Variants in PRKAR1B observed in about 807,000 individuals in gnomAD.
PRKAR1B encodes the protein protein kinase cAMP-dependent type I regulatory subunit beta, also known as cAMP-dependent protein kinase type I-beta regulatory subunit.
In PRKAR1B, 22 loss-of-function variants were observed where a neutral mutation model predicts 46.5. That is an observed-to-expected ratio of 0.47 (90% CI 0.34 to 0.68). The LOEUF (loss-of-function observed/expected upper bound fraction) is 0.68, where lower values mean the gene tolerates loss of function less well. Among genes scored for constraint, PRKAR1B ranks in the 30% least tolerant of loss-of-function variants. The pLI, the probability that PRKAR1B is intolerant of heterozygous loss-of-function variation, is 0.01. For synonymous variants in PRKAR1B, 259 were observed against 217.7 expected (o/e 1.19, Z -1.67); for missense variants, 445 against 535.6 (o/e 0.83, Z 1.67).
chr7:584,995 G>A (rs923736945), intron 7 of PRKAR1B, among the ~76,000 whole-genome samples: 6 of 152,062 alleles, frequency 3.9e-5, no homozygotes, highest in East Asian at 1.9e-4. Context: ...TGCGGCTGAC[G>A]TCAGCTAAGA....
intron 1 of PRKAR1B, 77 bp downstream of exon 1, chr7:727,131 CTG>C: frequency 1.7e-6 from 2 of 1,204,378 alleles, no homozygotes; most frequent in South Asian, 2.8e-5. Flanking sequence ...CGCCCGAGGC[CTG>C]TGAGGAGCTG....
chr7:709,299 G>A (rs1005757081), intron 2 of PRKAR1B, among the ~76,000 whole-genome samples: 4 of 150,918 alleles, frequency 2.7e-5, no homozygotes, highest in Admixed American at 1.3e-4. Flanking sequence ...ACTTATGTAC[G>A]TATGTATCCA....
intron 9 of PRKAR1B, among the ~76,000 whole-genome samples, chr7:556,923 TC>T (rs2128422276): frequency 6.6e-6 from 1 of 152,062 alleles, no homozygotes; most frequent in Non-Finnish European, 1.5e-5. Context: ...TACTGAAGAG[TC>T]CCCGTGCAAA....
chr7:569,100 G>A (rs1779346770), intron 9 of PRKAR1B, among the ~76,000 whole-genome samples: 1 of 151,878 alleles, frequency 6.6e-6, no homozygotes, highest in East Asian at 1.9e-4. Context: ...AAATATCAAG[G>A]CAAAGGCACT....
intron 4 of PRKAR1B, among the ~76,000 whole-genome samples, chr7:637,871 G>T (rs959600030): frequency 6.6e-6 from 1 of 152,108 alleles, no homozygotes; most frequent in African/African-American, 2.4e-5. Flanking sequence ...GGGAAGATGG[G>T]GGCTAAAACA....
chr7:672,075 T>C (rs553916071), intron 4 of PRKAR1B, among the ~76,000 whole-genome samples: 30 of 152,260 alleles, frequency 2.0e-4, no homozygotes, highest in Admixed American at 4.6e-4. Context: ...CCCCACTGTG[T>C]TCCCAGAACC....
At position 714,253 on chromosome 7, in the gene PRKAR1B, G is replaced by A. The variant is rs989223793; in HGVS notation, c.-22-2726C>T. 2.0e-5 allele frequency among the ~76,000 whole-genome samples: 3 copies of A among 152,172 alleles called. No homozygotes were observed. The highest frequency in any genetic ancestry group is 4.8e-5 in the African/African-American group (2 of 41,446). ...TCCTGGGGTTCTCTGGAGACTCCCTGTAAAGACTTCCCCCACACCGTGCCT... is the reference window on the plus strand; with the variant it reads ...TCCTGGGGTTCTCTGGAGACTCCCTATAAAGACTTCCCCCACACCGTGCCT... On this transcript the variant is annotated intron_variant, in intron 1 of 10. Transcript: ENST00000537384. The surrounding 1 kb of genome is among the most constrained non-coding windows in gnomAD (Gnocchi z 4.3).
intron 2 of PRKAR1B, among the ~76,000 whole-genome samples, chr7:702,548 G>A (rs542305677): frequency 6.6e-6 from 1 of 152,292 alleles, no homozygotes; most frequent in African/African-American, 2.4e-5. Context: ...TCATAGGCTG[G>A]GCGTGGGGCT....
At chr7:576,458 G>A (rs1237833268) in intron 9 of PRKAR1B, among the ~76,000 whole-genome samples, 3 of 152,168 alleles carry the variant, frequency 2.0e-5, no homozygotes, top group East Asian at 1.9e-4. Flanking sequence ...GACCCCCTTC[G>A]TGAATGTCCG....
chr7:688,163 G>A (rs919625770), intron 2 of PRKAR1B, among the ~76,000 whole-genome samples: 1 of 150,798 alleles, frequency 6.6e-6, no homozygotes, highest in Non-Finnish European at 1.5e-5. Context: ...CACTTTGGGA[G>A]GCCAAGGCGG....
Position 584,521 on chromosome 7 carries a change from C to T in PRKAR1B, c.756G>A (p.Lys252=). ...GCAGCCACTGACCTAGGATGGAGAC[C>T]TTGCTGAGGAACTCCTCGTACATCT... ...KRKMYEEFLS[K]VSILESLEKW... is the part of the protein sequence containing the mutation. Residue 252 remains lysine (K), a synonymous_variant, in exon 8 of 11, where the codon AAG becomes AAA. Transcript: ENST00000537384. 1 of 1,613,922 alleles carries T rather than the reference C, an allele frequency of 6.2e-7. No homozygotes were observed. Among genetic ancestry groups the T allele is most frequent in the Non-Finnish European group, 8.5e-7 (1 of 1,179,972 alleles).
intron 1 of PRKAR1B, among the ~76,000 whole-genome samples, chr7:713,381 C>A (rs116359894): frequency 0.033 from 5,059 of 152,092 alleles, 115 homozygotes; most frequent in Non-Finnish European, 0.051. Flanking sequence ...GGGTCCTGCA[C>A]TCACCTGCCC....
In PRKAR1B at chr7:726,501, A is replaced by T. The variant is rs550316209; in HGVS notation, c.-23+709T>A. The T allele has an allele frequency of 7.2e-4, 275 of 380,922 alleles. 1 individual carries two copies. Among genetic ancestry groups the T allele is most frequent in the African/African-American group, 5.3e-3 (256 of 47,990 alleles). The allele number at this position is 380,922 out of a possible 1,614,324, so 23.6% of individuals were successfully genotyped here. A position where few individuals can be genotyped will look rare whatever the true frequency, so the allele number is the denominator to read the frequency against. On this transcript the variant is annotated intron_variant, in intron 1 of 10. Coordinates refer to ENST00000537384, the MANE Select transcript of PRKAR1B (RefSeq NM_001164760.2). ...CCCTCCCGAGACCTTCCCCATCTGT[A>T]CAATGGGGACAGGACAAGGCCCAGC...
At chr7:710,316 T>C (rs887667004) in intron 2 of PRKAR1B, among the ~76,000 whole-genome samples, 1 of 151,926 alleles carries the variant, frequency 6.6e-6, no homozygotes, top group African/African-American at 2.4e-5. Flanking sequence ...AAACATTAGG[T>C]GATACGCAGA....
rs905664433 is a variant in PRKAR1B, at chr7:644,046, G to A, written c.440+33183C>T. ...TGAAATGCCGGCTGCCCAGTGCTACGAAGCTAGGGGCGGCTGCTACACGGC... is the reference window on the plus strand; with the variant it reads ...TGAAATGCCGGCTGCCCAGTGCTACAAAGCTAGGGGCGGCTGCTACACGGC... On this transcript the variant is annotated intron_variant, in intron 4 of 10. Coordinates refer to ENST00000537384, the MANE Select transcript of PRKAR1B (RefSeq NM_001164760.2). The surrounding 1 kb of genome is among the most constrained non-coding windows in gnomAD (Gnocchi z 4.9). Among the ~76,000 whole-genome samples the A allele has an allele frequency of 3.3e-5, 5 of 152,202 alleles. No individual in the cohort carries two copies. The highest frequency in any genetic ancestry group is 3.4e-3 in the Middle Eastern group (1 of 294).
chr7:597,527 G>T (rs970171440), intron 6 of PRKAR1B, among the ~76,000 whole-genome samples: 3 of 152,210 alleles, frequency 2.0e-5, no homozygotes, highest in Non-Finnish European at 4.4e-5. Context: ...TCCCCCCAGT[G>T]ATCCCCTCCA....
In PRKAR1B at chr7:602,860, ACAAGGGCCTGGG is replaced by A. The variant is rs569328606; in HGVS notation, c.549+3321_549+3332del. ...TATGGAAATGGCACGGCTCAGCCAC[ACAAGGGCCTGGG>A]CAAAGGTCACGGCCAGCAAAGAACA... On this transcript the variant is annotated intron_variant, in intron 6 of 10. Transcript: ENST00000537384. This position sits in a 1 kb window ranked among gnomAD's most constrained non-coding sequence, Gnocchi z 6.4. 2.3e-3 allele frequency among the ~76,000 whole-genome samples: 349 copies of A among 152,282 alleles called. 1 individual carries two copies. The highest frequency in any genetic ancestry group is 7.9e-3 in the African/African-American group (327 of 41,558).
At chr7:654,837 CCAT>C (rs1468509725) in intron 4 of PRKAR1B, among the ~76,000 whole-genome samples, 1 of 152,092 alleles carries the variant, frequency 6.6e-6, no homozygotes, top group Non-Finnish European at 1.5e-5. Context: ...AACATCACCA[CCAT>C]CATCACCACC....
At chr7:595,172 CCA>C (rs1781202242) in intron 7 of PRKAR1B, among the ~76,000 whole-genome samples, 1 of 152,192 alleles carries the variant, frequency 6.6e-6, no homozygotes. Context: ...GCCTCCTCAT[CCA>C]CACAGGCCCC....
Sources: gnomAD v4.1 joint callset for allele counts (sites outside exome capture counted in the v4.1 genomes callset) on GRCh38, gnomAD v4.1.1 for gene constraint, Gnocchi (gnomAD v3.1) non-coding constraint, MANE v1.5 for transcripts, NCBI Gene and HGNC (gene_info 2026-07-23, HGNC 2026-07-21) for gene names.